Variants in ELMOD3 observed in about 807,000 individuals in gnomAD.
ELMOD3 encodes ELMO domain containing 3.
A neutral mutation model predicts 47.4 loss-of-function variants in ELMOD3; 36 were observed. The ratio of observed to expected loss-of-function variants is 0.76; its 90% CI spans 0.58 to 1.00. The LOEUF is 1.00. ELMOD3 is among the 50% of genes least tolerant of loss of function. ELMOD3 has a pLI of 0.00. For missense variants in ELMOD3, 404 were observed against 463.8 expected, an observed-to-expected ratio of 0.87 and a Z score of 1.18; for synonymous variants, 149 against 183.5, an observed-to-expected ratio of 0.81 and a Z score of 1.52.
intron 10 of ELMOD3, among the ~76,000 whole-genome samples, chr2:85,374,695 C>G (rs1353088084): frequency 6.6e-6 from 1 of 152,034 alleles, no homozygotes; most frequent in Non-Finnish European, 1.5e-5. Flanking sequence ...GCTTATAGTC[C>G]CAGCTACTGG....
At position 85,369,783 on chromosome 2, in the gene ELMOD3, A is replaced by G. The variant is rs78809694; in HGVS notation, c.313A>G (p.Ser105Gly). 5,392 of 1,614,072 alleles carry G rather than the reference A, an allele frequency of 3.3e-3. 135 individuals are homozygous for G. The East Asian group carries it at 0.063, about 19-fold the overall frequency. Residue 105 changes from serine (S) to glycine (G), a missense_variant, in exon 8 of 14, where the codon AGT (serine) becomes GGT (glycine). Coordinates refer to ENST00000409013, the MANE Select transcript of ELMOD3 (RefSeq NM_001135022.2). Reference sequence around the variant, plus strand: ...GCAGCCTGGGCAGCTAATCTCCTTCAGTGAGGCCCTGCAGCACTTCCAGAC... The same window carrying G: ...GCAGCCTGGGCAGCTAATCTCCTTCGGTGAGGCCCTGCAGCACTTCCAGAC... ...SEQPGQLISF[S>G]EALQHFQTVD...
chr2:85,377,419 C>CA lies in ELMOD3; in HGVS notation c.686dup (p.Thr230AspfsTer46). The CA allele has an allele frequency of 6.2e-7, 1 of 1,611,502 alleles. No homozygotes were observed. The highest frequency in any genetic ancestry group is 8.5e-7 in the Non-Finnish European group (1 of 1,178,776). On this transcript the variant is annotated frameshift_variant, in exon 11 of 14. Transcript: ENST00000409013. LOFTEE classifies it high-confidence loss of function. Reference sequence around the variant, plus strand: ...CATCTGCTCTACCTGGTGATGGACTCAAAGACCTTGCCGATGGCGCAGGAG... The same window carrying CA: ...CATCTGCTCTACCTGGTGATGGACTCAAAAGACCTTGCCGATGGCGCAGGAG...
At chr2:85,366,492 C>T (rs1224828489) in intron 6 of ELMOD3, among the ~76,000 whole-genome samples, 1 of 152,196 alleles carries the variant, frequency 6.6e-6, no homozygotes, top group Non-Finnish European at 1.5e-5. Context: ...CTGCCTCTGT[C>T]CATTGCCCTG....
chr2:85,360,351 T>G (rs1683867045), intron 4 of ELMOD3, among the ~76,000 whole-genome samples: 1 of 149,360 alleles, frequency 6.7e-6, no homozygotes, highest in Non-Finnish European at 1.5e-5. Context: ...TCCACTGGGT[T>G]GGTTTTTCTT....
intron 11 of ELMOD3, chr2:85,387,068 C>A (rs1401048178): frequency 4.6e-6 from 6 of 1,297,972 alleles, no homozygotes; most frequent in Non-Finnish European, 6.1e-6. Flanking sequence ...AATGTTGTTA[C>A]CATACTGTTT....
chr2:85,358,861 A>G (rs1190364139), intron 4 of ELMOD3, among the ~76,000 whole-genome samples: 2 of 152,208 alleles, frequency 1.3e-5, no homozygotes, highest in Non-Finnish European at 2.9e-5. Flanking sequence ...CTGGAGACAA[A>G]GCTACTGCTT....
intron 11 of ELMOD3, 43 bp downstream of exon 11, chr2:85,377,517 G>A (rs1009657457): frequency 6.3e-7 from 1 of 1,580,318 alleles, no homozygotes; most frequent in Non-Finnish European, 8.6e-7. Context: ...AAGGGCCGTG[G>A]AGCTAGGACC....
intron 4 of ELMOD3, chr2:85,360,782 T>C: frequency 3.8e-6 from 1 of 259,870 alleles, no homozygotes; most frequent in Non-Finnish European, 8.3e-6. Flanking sequence ...CCCTTTACAT[T>C]TTTACATAAT....
chr2:85,388,163 ATT>A (rs68153662), intron 11 of ELMOD3, among the ~76,000 whole-genome samples: 117 of 130,124 alleles, frequency 9.0e-4, no homozygotes, highest in African/African-American at 2.2e-3. Context: ...AAAAAAAAAA[ATT>A]TTTTTGTAGA....
chr2:85,374,592 T>C (rs1685036299), intron 10 of ELMOD3, among the ~76,000 whole-genome samples: 1 of 151,872 alleles, frequency 6.6e-6, no homozygotes, highest in Admixed American at 6.6e-5. Context: ...TCCACCTGCA[T>C]GAGCCTCCCA....
intron 6 of ELMOD3, among the ~76,000 whole-genome samples, chr2:85,366,198 T>C (rs1324742916): frequency 1.3e-5 from 2 of 151,318 alleles, no homozygotes; most frequent in African/African-American, 4.9e-5. Flanking sequence ...CTCAAACTCC[T>C]GACCTCAGGT....
intron 11 of ELMOD3, 146 bp downstream of exon 11, chr2:85,377,620 C>G: frequency 1.3e-6 from 1 of 760,148 alleles, no homozygotes; most frequent in Non-Finnish European, 1.9e-6. Context: ...AGCTGTACCG[C>G]TCATTAGCTG....
intron 4 of ELMOD3, among the ~76,000 whole-genome samples, 200 bp from the exon 5 acceptor site, chr2:85,361,986 A>G (rs1684004103): frequency 1.3e-5 from 2 of 152,032 alleles, no homozygotes; most frequent in South Asian, 4.2e-4. Flanking sequence ...AGGAAAAATA[A>G]CTAGTGGGTA....
intron 6 of ELMOD3, chr2:85,368,462 A>G: frequency 1.9e-6 from 1 of 525,034 alleles, no homozygotes; most frequent in South Asian, 2.3e-5. Flanking sequence ...TAAGGAAGGG[A>G]AAACTGGCCC....
chr2:85,382,956 A>AAAAAAAAC (rs1558715881), intron 11 of ELMOD3, among the ~76,000 whole-genome samples: 2 of 71,574 alleles, frequency 2.8e-5, no homozygotes, highest in Non-Finnish European at 3.3e-5. Context: ...AAAAAAAAAC[A>AAAAAAAAC]AAAAAAACTC....
chr2:85,357,550 T>C, intron 4 of ELMOD3: 1 of 237,206 alleles, frequency 4.2e-6, no homozygotes, highest in Non-Finnish European at 8.2e-6. Context: ...CTTACTAGCC[T>C]CTTCCCTGTG....
At position 85,357,163 on chromosome 2, in the gene ELMOD3, A is replaced by G. The variant is rs777416313; in HGVS notation, c.-36A>G. On this transcript the variant is annotated 5_prime_UTR_variant, in exon 4 of 14. Transcript: ENST00000409013. ...CCTTACTAAAATGCTTTCTGGGCCC[A>G]AGGACAAAGCTCACATGAACAAATG... The G allele has an allele frequency of 5.8e-6, 9 of 1,545,312 alleles. No individual in the cohort carries two copies. Among genetic ancestry groups the G allele is most frequent in the Non-Finnish European group, 8.0e-6 (9 of 1,127,874 alleles).
intron 11 of ELMOD3, among the ~76,000 whole-genome samples, chr2:85,386,264 T>C (rs995708172): frequency 6.6e-6 from 1 of 152,104 alleles, no homozygotes; most frequent in East Asian, 1.9e-4. Flanking sequence ...TGTGTTTTAG[T>C]CAGTTTCAGT....
chr2:85,371,665 TGGG>T, intron 10 of ELMOD3, 103 bp downstream of exon 10: 1 of 1,510,076 alleles, frequency 6.6e-7, no homozygotes, highest in Non-Finnish European at 9.0e-7. Context: ...GGGAAGATCT[TGGG>T]GGAGTATTCC....
Sources: gnomAD v4.1 joint callset for allele counts (sites outside exome capture counted in the v4.1 genomes callset) on GRCh38, gnomAD v4.1.1 for gene constraint, MANE v1.5 for transcripts, NCBI Gene and HGNC (gene_info 2026-07-23, HGNC 2026-07-21) for gene names.